RABGAP1L: variants seen among roughly 807,000 people sequenced by gnomAD.
RABGAP1L encodes RAB GTPase activating protein 1 like, also known as rab GTPase-activating protein 1-like.
Under a neutral mutation model 137.7 loss-of-function variants are expected in RABGAP1L, and 63 were observed. The observed-to-expected ratio is 0.46, with a 90% CI of 0.37 to 0.56. RABGAP1L has a LOEUF of 0.56. Among genes scored for constraint, RABGAP1L ranks in the 20% least tolerant of loss-of-function variants. The pLI, the probability that RABGAP1L is intolerant of heterozygous loss-of-function variation, is 0.00. For missense variants in RABGAP1L, 1,095 were observed against 1,244.0 expected (o/e 0.88, Z 1.80); for synonymous variants, 431 against 433.7 (o/e 0.99, Z 0.08).
At chr1:174,242,264 G>C (rs2148561140) in intron 5 of RABGAP1L, among the ~76,000 whole-genome samples, 1 of 152,290 alleles carries the variant, frequency 6.6e-6, no homozygotes, top group East Asian at 1.9e-4. Flanking sequence ...CTAATTGGTA[G>C]ATTATTGTTA....
chr1:174,382,972 T>A (rs1686308488), intron 12 of RABGAP1L, among the ~76,000 whole-genome samples: 1 of 150,814 alleles, frequency 6.6e-6, no homozygotes, highest in Non-Finnish European at 1.5e-5. Context: ...GTTTTCGGTG[T>A]GGATGTCCTT....
At chr1:174,711,013 A>G (rs969654038) in intron 17 of RABGAP1L, among the ~76,000 whole-genome samples, 1 of 152,266 alleles carries the variant, frequency 6.6e-6, no homozygotes, top group South Asian at 2.1e-4. Context: ...GCCCTGCCCC[A>G]CAGGGAGGCA....
chr1:174,491,167 G>C (rs1216236312), intron 13 of RABGAP1L, among the ~76,000 whole-genome samples: 1 of 151,996 alleles, frequency 6.6e-6, no homozygotes, highest in East Asian at 1.9e-4. Context: ...ACCACAGCTG[G>C]GAAAGTGCTG....
intron 13 of RABGAP1L, among the ~76,000 whole-genome samples, chr1:174,430,102 G>A (rs1355294927): frequency 6.6e-6 from 1 of 152,110 alleles, no homozygotes; most frequent in Non-Finnish European, 1.5e-5. Flanking sequence ...ACCCTTCACA[G>A]GGCTGCGTGC....
At chr1:174,362,804 A>AC (rs1558166647) in intron 11 of RABGAP1L, among the ~76,000 whole-genome samples, 1 of 152,098 alleles carries the variant, frequency 6.6e-6, no homozygotes, top group Non-Finnish European at 1.5e-5. Flanking sequence ...ATTAGATACC[A>AC]TTTATCAATT....
chr1:174,683,468 A>G (rs1678237356), intron 14 of RABGAP1L, 54 bp from the exon 15 acceptor site: 3 of 1,423,434 alleles, frequency 2.1e-6, no homozygotes, highest in African/African-American at 2.8e-5. Flanking sequence ...GCTAACATTT[A>G]AGTTAAAATC....
intron 17 of RABGAP1L, among the ~76,000 whole-genome samples, chr1:174,708,591 T>G (rs927194609): frequency 6.6e-6 from 1 of 152,164 alleles, no homozygotes; most frequent in African/African-American, 2.4e-5. Context: ...TACTCTGCCA[T>G]GAGGGACAGT....
Position 174,815,208 on chromosome 1 carries a change from A to G in RABGAP1L, c.2340+3248A>G, listed in dbSNP as rs143426065. Among the ~76,000 whole-genome samples, 136 of 152,346 alleles carry G rather than the reference A, an allele frequency of 8.9e-4. 1 individual carries two copies. The highest frequency in any genetic ancestry group is 3.1e-3 in the African/African-American group (129 of 41,582). The stretch of plus-strand genomic sequence containing the variant: ...TAGATGACGAGGTGTTACAATGAAT[A>G]ATGGAAGTGCATGTGTAGGTAAGGA... On this transcript the variant is annotated intron_variant, in intron 19 of 25. Coordinates refer to ENST00000681986, the MANE Select transcript of RABGAP1L (RefSeq NM_001366446.1).
At chr1:174,304,522 T>C (rs533873828) in intron 10 of RABGAP1L, among the ~76,000 whole-genome samples, 25 of 152,110 alleles carry the variant, frequency 1.6e-4, no homozygotes, top group African/African-American at 4.8e-4. Flanking sequence ...TAACAAAAAA[T>C]ATAACAACTA....
Position 174,752,333 on chromosome 1 carries a change from T to C in RABGAP1L, c.2190T>C (p.His730=), listed in dbSNP as rs1402105728. The C allele has an allele frequency of 1.9e-6, 3 of 1,588,852 alleles. No individual in the cohort carries two copies. The highest frequency in any genetic ancestry group is 1.8e-5 in the Admixed American group (1 of 56,262). The change falls in exon 18 of 26, where the codon CAT becomes CAC. Residue 730 remains histidine, a synonymous_variant. Coordinates refer to ENST00000681986, the MANE Select transcript of RABGAP1L (RefSeq NM_001366446.1). ...LLCEGLNIIF[H]VALALLKTSK... Reference sequence around the variant, plus strand: ...TTCAGGGTTTGAACATAATCTTTCATGTAGCTTTGGCTCTCCTAAAGGTAA... The same window carrying C: ...TTCAGGGTTTGAACATAATCTTTCACGTAGCTTTGGCTCTCCTAAAGGTAA...
intron 6 of RABGAP1L, among the ~76,000 whole-genome samples, chr1:174,252,144 C>T (rs1672766254): frequency 6.6e-6 from 1 of 152,176 alleles, no homozygotes; most frequent in Non-Finnish European, 1.5e-5. Context: ...ATCAGCCTGC[C>T]TTGGCCTCCC....
chr1:174,548,987 T>C (rs1666235093), intron 13 of RABGAP1L, among the ~76,000 whole-genome samples: 1 of 152,222 alleles, frequency 6.6e-6, no homozygotes, highest in Non-Finnish European at 1.5e-5. Flanking sequence ...TAGTGGCCGA[T>C]ACTTGAAATT....
intron 18 of RABGAP1L, among the ~76,000 whole-genome samples, chr1:174,784,011 CTTTTTTTTTTTT>C (rs3085670): frequency 0.034 from 1,798 of 52,288 alleles, 58 homozygotes; most frequent in African/African-American, 0.12. Context: ...TCTTCTTCTT[CTTTTTTTTTTTT>C]TTTTTTTTTT....
chr1:174,911,059 A>G (rs1180976171), intron 19 of RABGAP1L, among the ~76,000 whole-genome samples: 6 of 152,194 alleles, frequency 3.9e-5, no homozygotes, highest in African/African-American at 1.4e-4. Context: ...TATGTTGAGT[A>G]TCTTTTCTCG....
chr1:174,224,530 G>C (rs546564012), intron 3 of RABGAP1L, among the ~76,000 whole-genome samples: 1 of 152,190 alleles, frequency 6.6e-6, no homozygotes, highest in Non-Finnish European at 1.5e-5. Flanking sequence ...CTTCTTGAGT[G>C]TACTTTGGTG....
intron 16 of RABGAP1L, among the ~76,000 whole-genome samples, chr1:174,701,902 A>G (rs1452085205): frequency 6.6e-6 from 1 of 152,146 alleles, no homozygotes; most frequent in East Asian, 1.9e-4. Flanking sequence ...AGTTGTTTAT[A>G]ATAAGTCTGT....
chr1:174,300,342 G>A (rs975393493), intron 10 of RABGAP1L, among the ~76,000 whole-genome samples: 1 of 151,510 alleles, frequency 6.6e-6, no homozygotes, highest in Non-Finnish European at 1.5e-5. Context: ...CCTGGCCAAC[G>A]TGGAGAAACT....
At chr1:174,379,854 C>G (rs1465452038) in intron 12 of RABGAP1L, among the ~76,000 whole-genome samples, 3 of 72,410 alleles carry the variant, frequency 4.1e-5, no homozygotes, top group African/African-American at 1.8e-4. Flanking sequence ...GAGGGCATCC[C>G]TGTCTTGTGC....
intron 19 of RABGAP1L, among the ~76,000 whole-genome samples, chr1:174,911,623 A>G (rs557167975): frequency 6.6e-6 from 1 of 152,284 alleles, no homozygotes; most frequent in South Asian, 2.1e-4. Flanking sequence ...AAATACTCGT[A>G]TATGTAATCT....
Sources: gnomAD v4.1 joint callset for allele counts (sites outside exome capture counted in the v4.1 genomes callset) on GRCh38, gnomAD v4.1.1 for gene constraint, MANE v1.5 for transcripts, NCBI Gene and HGNC (gene_info 2026-07-23, HGNC 2026-07-21) for gene names.